The following UGT2A1 variants were observed in gnomAD, a reference collection of about 807,000 sequenced individuals.
UGT2A1 encodes UDP-glucuronosyltransferase 2A1.
Under a neutral mutation model 45.4 loss-of-function variants are expected in UGT2A1, and 61 were observed. The observed-to-expected ratio is 1.34, with a 90% CI of 1.09 to 1.66. UGT2A1 has a LOEUF of 1.66. UGT2A1 is among the 40% of genes most tolerant of loss of function. The pLI is 0.00. For missense variants in UGT2A1, 649 were observed against 574.3 expected, an observed-to-expected ratio of 1.13 and a Z score of -1.33; for synonymous variants, 229 against 196.2, an observed-to-expected ratio of 1.17 and a Z score of -1.40.
At chr4:69,612,434 A>C (rs1455190470) in intron 3 of UGT2A1, among the ~76,000 whole-genome samples, 1 of 152,066 alleles carries the variant, frequency 6.6e-6, no homozygotes, top group Admixed American at 6.6e-5. Flanking sequence ...TAAAGTGAGA[A>C]TAGCCAAAGT....
chr4:69,617,931 A>T (rs1349216603), intron 3 of UGT2A1, among the ~76,000 whole-genome samples: 1 of 151,948 alleles, frequency 6.6e-6, no homozygotes, highest in Non-Finnish European at 1.5e-5. Context: ...AAAATGAAAA[A>T]CAAGACTTTA....
At chr4:69,628,787 C>T (rs190323010) in intron 3 of UGT2A1, among the ~76,000 whole-genome samples, 2 of 147,890 alleles carry the variant, frequency 1.4e-5, no homozygotes, top group Non-Finnish European at 3.0e-5. Flanking sequence ...AAATAAAATA[C>T]GTGAAATGCC....
At chr4:69,614,148 A>C (rs901947435) in intron 3 of UGT2A1, among the ~76,000 whole-genome samples, 11 of 152,086 alleles carry the variant, frequency 7.2e-5, no homozygotes. Flanking sequence ...CAAAATCAAC[A>C]TACAAATATC....
At chr4:69,640,317 T>C (rs1721982231) in intron 2 of UGT2A1, among the ~76,000 whole-genome samples, 1 of 152,010 alleles carries the variant, frequency 6.6e-6, no homozygotes, top group Non-Finnish European at 1.5e-5. Context: ...ATTAATTTGT[T>C]ATATTACTTT....
At chr4:69,627,855 A>G (rs984694100) in intron 3 of UGT2A1, among the ~76,000 whole-genome samples, 1 of 151,984 alleles carries the variant, frequency 6.6e-6, no homozygotes, top group Admixed American at 6.6e-5. Context: ...CATAGACAAT[A>G]TTACAGGTTA....
chr4:69,612,780 A>G (rs1258805427), intron 3 of UGT2A1, among the ~76,000 whole-genome samples: 4 of 152,010 alleles, frequency 2.6e-5, no homozygotes, highest in Non-Finnish European at 5.9e-5. Context: ...AAAATCTTTG[A>G]AGAAAACCTA....
At chr4:69,634,513 A>G (rs1476932100) in intron 3 of UGT2A1, among the ~76,000 whole-genome samples, 1 of 152,106 alleles carries the variant, frequency 6.6e-6, no homozygotes, top group East Asian at 1.9e-4. Flanking sequence ...TGATTAATCT[A>G]GTTTAGTTGC....
At chr4:69,636,824 C>A (rs183653054) in intron 2 of UGT2A1, among the ~76,000 whole-genome samples, 1 of 152,024 alleles carries the variant, frequency 6.6e-6, no homozygotes, top group Non-Finnish European at 1.5e-5. Flanking sequence ...ATCCTCCTAA[C>A]GAATATAGTG....
intron 3 of UGT2A1, among the ~76,000 whole-genome samples, chr4:69,612,092 C>T (rs1333519124): frequency 6.6e-6 from 1 of 151,980 alleles, no homozygotes. Context: ...TGACACTAGC[C>T]TCAAAGCCTT....
intron 3 of UGT2A1, among the ~76,000 whole-genome samples, chr4:69,600,842 C>T (rs1395084385): frequency 2.0e-5 from 3 of 151,868 alleles, no homozygotes; most frequent in African/African-American, 7.3e-5. Context: ...ATAACTCACT[C>T]ACTATCACAA....
At chr4:69,611,808 T>C (rs1461020629) in intron 3 of UGT2A1, among the ~76,000 whole-genome samples, 1 of 152,148 alleles carries the variant, frequency 6.6e-6, no homozygotes, top group Non-Finnish European at 1.5e-5. Flanking sequence ...ATTCTGAAGA[T>C]ACACAGTATG....
At chr4:69,625,016 C>A (rs1031987393) in intron 3 of UGT2A1, among the ~76,000 whole-genome samples, 1 of 150,834 alleles carries the variant, frequency 6.6e-6, no homozygotes, top group African/African-American at 2.4e-5. Context: ...AAAAAATCAG[C>A]CTTTATTTTT....
At chr4:69,646,474 A>G in intron 2 of UGT2A1, among the ~76,000 whole-genome samples, 1 of 151,818 alleles carries the variant, frequency 6.6e-6, no homozygotes, top group East Asian at 1.9e-4. Context: ...TTGTTTCTTT[A>G]TGAGCCTTAA....
chr4:69,594,202 C>G (rs1196913663), intron 6 of UGT2A1, among the ~76,000 whole-genome samples: 3 of 151,914 alleles, frequency 2.0e-5, no homozygotes, highest in Non-Finnish European at 4.4e-5. Context: ...TCTCGATCTC[C>G]GGACCTTGTG....
intron 2 of UGT2A1, among the ~76,000 whole-genome samples, chr4:69,645,959 T>C (rs1489993552): frequency 6.6e-6 from 1 of 151,844 alleles, no homozygotes; most frequent in Non-Finnish European, 1.5e-5. Flanking sequence ...TCACATTCAG[T>C]ATTTTAAAAT....
At chr4:69,645,774 T>C (rs1241452943) in intron 2 of UGT2A1, among the ~76,000 whole-genome samples, 1 of 151,874 alleles carries the variant, frequency 6.6e-6, no homozygotes, top group Non-Finnish European at 1.5e-5. Flanking sequence ...ATTCATTGAA[T>C]TAATTCACTC....
At chr4:69,591,181 A>C (rs1718576941) in intron 6 of UGT2A1, among the ~76,000 whole-genome samples, 1 of 152,194 alleles carries the variant, frequency 6.6e-6, no homozygotes, top group Non-Finnish European at 1.5e-5. Context: ...TATTTGTAGC[A>C]AAATATGAGT....
chr4:69,646,854 T>C (rs1722282100), intron 2 of UGT2A1, 76 bp downstream of exon 2: 4 of 1,012,650 alleles, frequency 4.0e-6, no homozygotes, highest in East Asian at 4.9e-5. Context: ...AGAATAGACA[T>C]AGGGAAATAA....
chr4:69,639,613 G>A (rs1169537846), intron 2 of UGT2A1: 3 of 1,598,592 alleles, frequency 1.9e-6, no homozygotes, highest in East Asian at 4.5e-5. Flanking sequence ...AACTTCTTAG[G>A]CATGGTAAAA....
Sources: gnomAD v4.1 joint callset for allele counts (sites outside exome capture counted in the v4.1 genomes callset) on GRCh38, gnomAD v4.1.1 for gene constraint, MANE v1.5 for transcripts, NCBI Gene and HGNC (gene_info 2026-07-23, HGNC 2026-07-21) for gene names.